DCAF12: variants seen among roughly 807,000 people sequenced by gnomAD.
DCAF12 encodes DDB1 and CUL4 associated factor 12, also known as DDB1- and CUL4-associated factor 12.
Under a neutral mutation model 52.8 loss-of-function variants are expected in DCAF12, and 28 were observed. That is an observed-to-expected ratio of 0.53 (90% CI 0.39 to 0.73). The LOEUF is 0.73. DCAF12 is among the 30% of genes least tolerant of loss of function. The probability of loss-of-function intolerance (pLI) is 0.00; values close to 1 mark genes in which losing one functional copy is unlikely to be tolerated. For missense variants in DCAF12, 425 were observed against 552.2 expected (o/e 0.77, Z 2.31); for synonymous variants, 196 against 215.5 (o/e 0.91, Z 0.79).
At chr9:34,092,962 C>T (rs1449780589) in intron 7 of DCAF12, among the ~76,000 whole-genome samples, 1 of 152,202 alleles carries the variant, frequency 6.6e-6, no homozygotes, top group East Asian at 1.9e-4. Context: ...TCTCCTGCCT[C>T]AGCCTCCTGA....
chr9:34,087,378 G>T lies in DCAF12; in HGVS notation c.*972C>A, dbSNP rs1053494807. Reference sequence around the variant, plus strand: ...TCAAAGCCATGGGGGCTATGGATGTGAATCTTAGCAGACTTGAGACTCCCA... The same window carrying T: ...TCAAAGCCATGGGGGCTATGGATGTTAATCTTAGCAGACTTGAGACTCCCA... On this transcript the variant is annotated 3_prime_UTR_variant, in exon 9 of 9. Coordinates refer to ENST00000361264, the MANE Select transcript of DCAF12 (RefSeq NM_015397.4). 3.3e-5 allele frequency: 5 copies of T among 152,250 alleles called. No individual in the cohort carries two copies. Among genetic ancestry groups the T allele is most frequent in the Admixed American group, 3.3e-4 (5 of 15,276 alleles). 9.4% of individuals were successfully genotyped at this position (152,250 alleles called of 1,614,324 possible). A position where few individuals can be genotyped will look rare whatever the true frequency, so the allele number is the denominator to read the frequency against.
At chr9:34,096,837 T>C in intron 5 of DCAF12, 56 bp from the exon 6 acceptor site, 1 of 1,524,738 alleles carries the variant, frequency 6.6e-7, no homozygotes, top group South Asian at 1.1e-5. Flanking sequence ...TAATGTACGA[T>C]AATAAGCAGG....
At chr9:34,112,457 G>A (rs1011025581) in intron 2 of DCAF12, among the ~76,000 whole-genome samples, 1 of 151,804 alleles carries the variant, frequency 6.6e-6, no homozygotes, top group African/African-American at 2.4e-5. Flanking sequence ...AGCCAGGTGT[G>A]GTGGCGTGAG....
chr9:34,108,815 AT>A (rs1828949508), intron 2 of DCAF12, among the ~76,000 whole-genome samples: 1 of 132,314 alleles, frequency 7.6e-6, no homozygotes, highest in Non-Finnish European at 1.7e-5. Context: ...ATAAATAAAT[AT>A]ATATATATAT....
chr9:34,104,088 G>A (rs1828870169), intron 4 of DCAF12, among the ~76,000 whole-genome samples: 1 of 151,876 alleles, frequency 6.6e-6, no homozygotes, highest in African/African-American at 2.4e-5. Flanking sequence ...GGCCAACATG[G>A]TGAAACCCTG....
At chr9:34,121,463 T>C (rs1337442026) in intron 2 of DCAF12, among the ~76,000 whole-genome samples, 1 of 152,122 alleles carries the variant, frequency 6.6e-6, no homozygotes, top group African/African-American at 2.4e-5. Context: ...TTCTCCTAGG[T>C]ACAACAAGCA....
At chr9:34,114,760 T>A (rs1829058997) in intron 2 of DCAF12, among the ~76,000 whole-genome samples, 1 of 152,084 alleles carries the variant, frequency 6.6e-6, no homozygotes, top group Non-Finnish European at 1.5e-5. Context: ...CATGCATTCA[T>A]GTGTATCTAG....
chr9:34,108,984 T>TTATA (rs10580795), intron 2 of DCAF12, among the ~76,000 whole-genome samples: 23 of 140,712 alleles, frequency 1.6e-4, no homozygotes, highest in African/African-American at 2.4e-4. Flanking sequence ...GTATATGTTT[T>TTATA]TATATATATA....
chr9:34,088,553 G>C lies in DCAF12; in HGVS notation c.1204-45C>G, dbSNP rs562948986. The C allele has an allele frequency of 6.3e-5, 101 of 1,608,706 alleles. No individual in the cohort carries two copies. The South Asian group carries it at 1.0e-3, about 17-fold the overall frequency. ...CTACAATTAGCACCTCTAGCCATGG[G>C]GCAGGAAAAGGGGGAGGAAGGGACA... On this transcript the variant is annotated intron_variant, in intron 8 of 8. Transcript: ENST00000361264.
At chr9:34,088,616 A>G in intron 8 of DCAF12, 108 bp from the exon 9 acceptor site, 1 of 1,250,908 alleles carries the variant, frequency 8.0e-7, no homozygotes, top group Non-Finnish European at 1.2e-6. Context: ...ACAGGGTTCT[A>G]CAGGTACAAC....
intron 6 of DCAF12, 99 bp downstream of exon 6, chr9:34,096,617 T>C (rs778593710): frequency 4.5e-6 from 5 of 1,113,364 alleles, no homozygotes; most frequent in East Asian, 2.6e-5. Flanking sequence ...AATAAATGAA[T>C]AGATAAAATA....
chr9:34,102,238 T>G (rs1299428835), intron 4 of DCAF12, among the ~76,000 whole-genome samples: 2 of 151,036 alleles, frequency 1.3e-5, no homozygotes, highest in East Asian at 3.9e-4. Context: ...TGCAGTGAGC[T>G]GGGATCACAC....
At chr9:34,120,753 C>A (rs1587742610) in intron 2 of DCAF12, among the ~76,000 whole-genome samples, 1 of 151,496 alleles carries the variant, frequency 6.6e-6, no homozygotes, top group South Asian at 2.1e-4. Context: ...GGTGTCCTAG[C>A]GTAAATAAAT....
chr9:34,111,391 T>C (rs1342810386), intron 2 of DCAF12, among the ~76,000 whole-genome samples: 2 of 152,228 alleles, frequency 1.3e-5, no homozygotes, highest in Non-Finnish European at 2.9e-5. Context: ...GTGCCTCTCT[T>C]GTAGGCTCCC....
intron 4 of DCAF12, among the ~76,000 whole-genome samples, chr9:34,104,086 T>G (rs1348028426): frequency 6.6e-6 from 1 of 151,708 alleles, no homozygotes; most frequent in Non-Finnish European, 1.5e-5. Context: ...CTGGCCAACA[T>G]GGTGAAACCC....
chr9:34,093,531 G>A lies in DCAF12; in HGVS notation c.862-83C>T, dbSNP rs372057124. The A allele has an allele frequency of 2.9e-5, 42 of 1,466,154 alleles. 1 individual carries two copies. In the East Asian group the frequency reaches 3.3e-4, roughly 11 times the overall value. 90.8% of individuals were successfully genotyped at this position (1,466,154 alleles called of 1,614,324 possible). A position where few individuals can be genotyped will look rare whatever the true frequency, so the allele number is the denominator to read the frequency against. Reference sequence around the variant, plus strand: ...TTGTTTCTGGACTCCCACCTTGATGGGCTTCCCTCATATAAAAGCCACATA... The same window carrying A: ...TTGTTTCTGGACTCCCACCTTGATGAGCTTCCCTCATATAAAAGCCACATA... On this transcript the variant is annotated intron_variant, in intron 6 of 8. Coordinates refer to ENST00000361264, the MANE Select transcript of DCAF12 (RefSeq NM_015397.4).
chr9:34,110,985 G>GTTTTT (rs1204745952), intron 2 of DCAF12, among the ~76,000 whole-genome samples: 2 of 125,958 alleles, frequency 1.6e-5, no homozygotes, highest in Non-Finnish European at 3.3e-5. Flanking sequence ...ATTCTTTTCT[G>GTTTTT]TTTTTTTTTT....
At chr9:34,111,151 A>G (rs2131437856) in intron 2 of DCAF12, among the ~76,000 whole-genome samples, 1 of 151,878 alleles carries the variant, frequency 6.6e-6, no homozygotes, top group South Asian at 2.1e-4. Context: ...ACGCCCAGCT[A>G]ATTTTTATAT....
chr9:34,087,740 G>C lies in DCAF12; in HGVS notation c.*610C>G, dbSNP rs1479456202. The C allele has an allele frequency of 6.6e-6, 1 of 152,110 alleles. No individual in the cohort carries two copies. 9.4% of individuals were successfully genotyped at this position (152,110 alleles called of 1,614,324 possible). On this transcript the variant is annotated 3_prime_UTR_variant, in exon 9 of 9. Coordinates refer to ENST00000361264, the MANE Select transcript of DCAF12 (RefSeq NM_015397.4). The stretch of plus-strand genomic sequence containing the variant: ...TTTCTGTTTTTACTTCCTATTATCA[G>C]TGTTGTTAGACTTAAAAAACAAGAT...
Sources: allele counts gnomAD v4.1 joint callset (sites outside exome capture counted in the v4.1 genomes callset), GRCh38; gene constraint gnomAD v4.1.1; transcripts MANE v1.5; gene names NCBI Gene and HGNC (gene_info 2026-07-23, HGNC 2026-07-21).